Variants in TMPRSS11F observed in about 807,000 individuals in gnomAD.
TMPRSS11F encodes the protein transmembrane serine protease 11F.
A neutral mutation model predicts 60.2 loss-of-function variants in TMPRSS11F; 47 were observed. That is an observed-to-expected ratio of 0.78 (90% confidence interval 0.62 to 1.00). The LOEUF is 1.00. Ranked by LOEUF, TMPRSS11F falls within the 50% of genes least tolerant of loss-of-function variation. The pLI, the probability that TMPRSS11F is intolerant of heterozygous loss-of-function variation, is 0.00. For missense variants in TMPRSS11F, 519 were observed against 522.9 expected, an observed-to-expected ratio of 0.99 and a Z score of 0.07; for synonymous variants, 166 against 167.3, an observed-to-expected ratio of 0.99 and a Z score of 0.06.
At chr4:68,056,739 G>A (rs567509529) in intron 9 of TMPRSS11F, among the ~76,000 whole-genome samples, 2 of 151,954 alleles carry the variant, frequency 1.3e-5, no homozygotes, top group South Asian at 4.2e-4. Flanking sequence ...AAATAATTTT[G>A]AGCAAAAAGA....
intron 1 of TMPRSS11F, among the ~76,000 whole-genome samples, chr4:68,114,669 A>G (rs4541567): frequency 0.94 from 142,864 of 151,484 alleles, 67,941 homozygotes; most frequent in East Asian, 1. Flanking sequence ...TAACAAAACC[A>G]AAGACATTAT....
intron 8 of TMPRSS11F, chr4:68,061,958 G>T: frequency 2.2e-6 from 1 of 444,750 alleles, no homozygotes; most frequent in South Asian, 1.6e-5. Context: ...TCTGCACTTA[G>T]ATTTAGTGCT....
rs368705218 is a variant in TMPRSS11F, at chr4:68,081,343, C to A, written c.283-7334G>T. ...TATTATCTTTTTGGATTGTCCTGAG[C>A]ATTCAGTTCCAAAGTGAAGTCAATG... On this transcript the variant is annotated intron_variant, in intron 3 of 9. Coordinates refer to ENST00000356291, the MANE Select transcript of TMPRSS11F (RefSeq NM_207407.2). 7.8e-4 allele frequency among the ~76,000 whole-genome samples: 119 copies of A among 152,318 alleles called. 2 individuals are homozygous for A. The South Asian group carries it at 0.013, about 17-fold the overall frequency.
chr4:68,089,313 A>G lies in TMPRSS11F; in HGVS notation c.282+1210T>C, dbSNP rs145444163. 1.3e-3 allele frequency among the ~76,000 whole-genome samples: 194 copies of G among 152,286 alleles called. 1 individual carries two copies. Among genetic ancestry groups the G allele is most frequent in the African/African-American group, 4.4e-3 (183 of 41,576 alleles). ...GGGCATATCTTACTATATCAATGAA[A>G]ACAGGGATGCAAGAAGCAATGGATC... On this transcript the variant is annotated intron_variant, in intron 3 of 9. Coordinates refer to ENST00000356291, the MANE Select transcript of TMPRSS11F (RefSeq NM_207407.2).
Position 68,073,951 on chromosome 4 carries a change from A to C in TMPRSS11F, c.341T>G (p.Ile114Ser). 6.4e-7 allele frequency: 1 copy of C among 1,573,778 alleles called. No homozygotes were observed. Among genetic ancestry groups the C allele is most frequent in the Non-Finnish European group, 8.6e-7 (1 of 1,161,054 alleles). Residue 114 changes from isoleucine (I) to serine (S), a missense_variant, in exon 4 of 10, where the codon ATC (isoleucine) becomes AGC (serine). Ile to Ser is a moderately radical substitution (Grantham distance 142, BLOSUM62 -2). Coordinates refer to ENST00000356291, the MANE Select transcript of TMPRSS11F (RefSeq NM_207407.2). The part of the protein sequence containing the change: ...VGGRFIKSHV[I>S]KLSPDEQGVD... ...AACCAAATTTACATACCTTAATTTGATAACATGAGATTTGATAAATCGACC... is the reference window on the plus strand; with the variant it reads ...AACCAAATTTACATACCTTAATTTGCTAACATGAGATTTGATAAATCGACC...
chr4:68,055,604 T>G (rs1723027559), intron 9 of TMPRSS11F, among the ~76,000 whole-genome samples: 1 of 152,010 alleles, frequency 6.6e-6, no homozygotes, highest in South Asian at 2.1e-4. Flanking sequence ...CAAAGTCAAG[T>G]CTAGGACCAG....
intron 1 of TMPRSS11F, among the ~76,000 whole-genome samples, chr4:68,108,743 A>C (rs764962353): frequency 6.6e-6 from 1 of 152,210 alleles, no homozygotes; most frequent in Non-Finnish European, 1.5e-5. Context: ...CTCAGAAAAG[A>C]TTATTGCTTC....
At chr4:68,105,377 G>A (rs374663852) in intron 1 of TMPRSS11F, among the ~76,000 whole-genome samples, 15 of 152,106 alleles carry the variant, frequency 9.9e-5, no homozygotes, top group African/African-American at 2.2e-4. Context: ...AACAGAAAAC[G>A]TCCGTATATC....
chr4:68,096,531 A>G (rs1215357304), intron 2 of TMPRSS11F, among the ~76,000 whole-genome samples: 2 of 152,200 alleles, frequency 1.3e-5, no homozygotes, highest in Non-Finnish European at 2.9e-5. Flanking sequence ...TCCATGGCAT[A>G]TGTTCTTTTT....
At chr4:68,097,821 C>G (rs182368727) in intron 2 of TMPRSS11F, among the ~76,000 whole-genome samples, 2 of 151,876 alleles carry the variant, frequency 1.3e-5, no homozygotes, top group Non-Finnish European at 2.9e-5. Flanking sequence ...TATAGAGTAA[C>G]TTGGCTTATG....
At chr4:68,075,964 G>A (rs1207016291) in intron 3 of TMPRSS11F, among the ~76,000 whole-genome samples, 3 of 151,262 alleles carry the variant, frequency 2.0e-5, no homozygotes, top group Non-Finnish European at 1.5e-5. Context: ...CTGCACTCCA[G>A]CCTGGGCAAC....
chr4:68,107,190 G>A (rs1368973748), intron 1 of TMPRSS11F, among the ~76,000 whole-genome samples: 1 of 152,234 alleles, frequency 6.6e-6, no homozygotes, highest in Admixed American at 6.5e-5. Context: ...CATTCATTTA[G>A]TACATGTTCA....
chr4:68,063,134 A>G (rs1723236392), intron 8 of TMPRSS11F: 1 of 618,496 alleles, frequency 1.6e-6, no homozygotes, highest in Non-Finnish European at 3.2e-6. Context: ...GCTTATTAAT[A>G]TAGAGAAAAA....
In TMPRSS11F at chr4:68,066,233, C is replaced by T. The variant is rs1723326381; in HGVS notation, c.756-1289G>A. Among the ~76,000 whole-genome samples the T allele has an allele frequency of 2.6e-5, 4 of 151,704 alleles. No individual in the cohort carries two copies. In the South Asian group the frequency reaches 8.3e-4, roughly 32 times the overall value. Reference sequence around the variant, plus strand: ...CCTGAAATCTTAGGACTAACTGAAGCATCCATTTGAAAACTAGACACTAGA... The same window carrying T: ...CCTGAAATCTTAGGACTAACTGAAGTATCCATTTGAAAACTAGACACTAGA... On this transcript the variant is annotated intron_variant, in intron 7 of 9. Coordinates refer to ENST00000356291, the MANE Select transcript of TMPRSS11F (RefSeq NM_207407.2).
At chr4:68,086,149 A>T (rs1017442348) in intron 3 of TMPRSS11F, among the ~76,000 whole-genome samples, 1 of 152,190 alleles carries the variant, frequency 6.6e-6, no homozygotes, top group African/African-American at 2.4e-5. Flanking sequence ...GCCTGAATAA[A>T]TTAAAAAAAA....
chr4:68,069,757 G>T (rs572368214), intron 6 of TMPRSS11F, among the ~76,000 whole-genome samples: 1 of 151,532 alleles, frequency 6.6e-6, no homozygotes, highest in African/African-American at 2.4e-5. Context: ...ACCACATCTC[G>T]TAGGTCATAT....
chr4:68,072,629 TTAAA>T, intron 4 of TMPRSS11F, 143 bp from the exon 5 acceptor site: 6 of 492,808 alleles, frequency 1.2e-5, no homozygotes, highest in Non-Finnish European at 1.9e-5. Context: ...GATACAGAGA[TTAAA>T]AATGAGTGTA....
At chr4:68,103,341 G>A (rs964099672) in intron 1 of TMPRSS11F, among the ~76,000 whole-genome samples, 1 of 151,784 alleles carries the variant, frequency 6.6e-6, no homozygotes, top group Non-Finnish European at 1.5e-5. Context: ...AGATACTTAA[G>A]AGGCTGAGAT....
chr4:68,086,948 G>C (rs1455245126), intron 3 of TMPRSS11F, among the ~76,000 whole-genome samples: 1 of 151,970 alleles, frequency 6.6e-6, no homozygotes, highest in Non-Finnish European at 1.5e-5. Flanking sequence ...GACATACACA[G>C]AAAAATGGGT....
Sources: allele counts gnomAD v4.1 joint callset (sites outside exome capture counted in the v4.1 genomes callset), GRCh38; gene constraint gnomAD v4.1.1; transcripts MANE v1.5; gene names NCBI Gene and HGNC (gene_info 2026-07-23, HGNC 2026-07-21).